The following ZMYM2 variants were observed in gnomAD, a reference collection of about 807,000 sequenced individuals.
ZMYM2 encodes zinc finger MYM-type containing 2, also known as zinc finger MYM-type protein 2.
Under a neutral mutation model 162.8 loss-of-function variants are expected in ZMYM2, and 56 were observed. The ratio of observed to expected loss-of-function variants is 0.34; its 90% CI spans 0.28 to 0.43. The LOEUF (loss-of-function observed/expected upper bound fraction) is 0.43, where lower values mean the gene tolerates loss of function less well. ZMYM2 is among the 20% of genes least tolerant of loss of function. The probability of loss-of-function intolerance (pLI) is 1.00; values close to 1 mark genes in which losing one functional copy is unlikely to be tolerated. For synonymous variants in ZMYM2, 510 were observed against 541.6 expected (o/e 0.94, Z 0.81); for missense variants, 1,275 against 1,621.8 (o/e 0.79, Z 3.67).
chr13:19,869,547 G>A, the ZMYM2 span, among the ~76,000 whole-genome samples: 1 of 152,090 alleles, frequency 6.6e-6, no homozygotes, highest in African/African-American at 2.4e-5. Context: ...TAGCACTTTG[G>A]GAGGCCGAGG....
the ZMYM2 span, among the ~76,000 whole-genome samples, chr13:19,927,043 A>G: frequency 6.6e-5 from 10 of 152,316 alleles, no homozygotes; most frequent in South Asian, 1.7e-3. Context: ...GATAACTTCT[A>G]TTCTCTAGAC....
At chr13:20,015,381 A>G (rs931822980) in intron 6 of ZMYM2, among the ~76,000 whole-genome samples, 1 of 152,190 alleles carries the variant, frequency 6.6e-6, no homozygotes, top group South Asian at 2.1e-4. Context: ...AACATAGTTC[A>G]TTCTGGAAAT....
At chr13:19,916,001 A>T in the ZMYM2 span, among the ~76,000 whole-genome samples, 3 of 151,858 alleles carry the variant, frequency 2.0e-5, no homozygotes, top group Admixed American at 1.3e-4. Context: ...CTGGGACTAC[A>T]GGGGCCCGCC....
chr13:19,993,990 G>A (rs1949826029), intron 3 of ZMYM2, 71 bp downstream of exon 3: 1 of 1,503,018 alleles, frequency 6.7e-7, no homozygotes, highest in Non-Finnish European at 8.9e-7. Context: ...TTTCATTGTA[G>A]TAACTGGTAT....
chr13:19,917,596 TAA>T, the ZMYM2 span, among the ~76,000 whole-genome samples: 14 of 133,182 alleles, frequency 1.1e-4, no homozygotes, highest in Admixed American at 7.9e-5. Flanking sequence ...ATCTCAAATT[TAA>T]AAAAAAAAAA....
At chr13:20,039,061 T>A (rs1390243172) in intron 12 of ZMYM2, among the ~76,000 whole-genome samples, 1 of 152,202 alleles carries the variant, frequency 6.6e-6, no homozygotes, top group East Asian at 1.9e-4. Context: ...ATTGTGTATC[T>A]AATTTGGCCC....
At chr13:20,062,720 T>C in intron 17 of ZMYM2, 126 bp from the exon 18 acceptor site, 1 of 986,994 alleles carries the variant, frequency 1.0e-6, no homozygotes, top group Middle Eastern at 3.1e-4. Flanking sequence ...CCCTTTTCTT[T>C]TGTGACATTA....
chr13:19,978,581 A>G (rs558087366), intron 2 of ZMYM2, among the ~76,000 whole-genome samples: 3 of 151,774 alleles, frequency 2.0e-5, no homozygotes, highest in East Asian at 3.9e-4. Flanking sequence ...CACGCCAGCT[A>G]ATTTTGTATT....
intron 9 of ZMYM2, among the ~76,000 whole-genome samples, chr13:20,028,216 G>C (rs562785781): frequency 6.6e-6 from 1 of 152,228 alleles, no homozygotes; most frequent in East Asian, 1.9e-4. Context: ...CTGAGCTTAG[G>C]TGATAAACCA....
chr13:19,912,292 G>GTTTTTTTTTTTTTTTTTTTTTTTTTT, the ZMYM2 span, among the ~76,000 whole-genome samples: 1 of 75,714 alleles, frequency 1.3e-5, no homozygotes, highest in Non-Finnish European at 2.5e-5. Flanking sequence ...TGTTTTTTGG[G>GTTTTTTTTTTTTTTTTTTTTTTTTTT]TTTTTTTTTT....
chr13:20,017,565 C>T (rs1317555861), intron 6 of ZMYM2, among the ~76,000 whole-genome samples: 1 of 150,956 alleles, frequency 6.6e-6, no homozygotes, highest in Non-Finnish European at 1.5e-5. Context: ...ACTTTTCTAA[C>T]TCTGTCCTCT....
the ZMYM2 span, among the ~76,000 whole-genome samples, chr13:19,915,209 C>T: frequency 4.6e-5 from 7 of 152,176 alleles, no homozygotes; most frequent in African/African-American, 1.7e-4. Flanking sequence ...GGTCCACCTG[C>T]CTCAGCCTCC....
intron 21 of ZMYM2, among the ~76,000 whole-genome samples, chr13:20,072,954 G>A (rs1231292489): frequency 2.0e-5 from 3 of 151,750 alleles, no homozygotes; most frequent in Non-Finnish European, 2.9e-5. Context: ...TGTCGCACAG[G>A]CTGGTGTGCA....
chr13:19,955,419 A>G (rs9579744), upstream of ZMYM2, among the ~76,000 whole-genome samples: 1 of 152,094 alleles, frequency 6.6e-6, no homozygotes, highest in Admixed American at 6.5e-5. Context: ...TCAGAGGCTT[A>G]GAGAAGCTTA....
Position 20,030,247 on chromosome 13 carries a change from T to TC in ZMYM2, c.1852-1070dup, listed in dbSNP as rs201166345. ...TTCTTTTCCTCTTTTTTTTTTTTTT[T>TC]CCAGATGGAGTCTCGCTCTGTCACC... is the stretch of plus-strand genomic sequence containing the variant. On this transcript the variant is annotated intron_variant, in intron 9 of 24. Transcript: ENST00000610343. Among the ~76,000 whole-genome samples, 170 of 151,502 alleles carry TC rather than the reference T, an allele frequency of 1.1e-3. 1 individual carries two copies. Among genetic ancestry groups the TC allele is most frequent in the African/African-American group, 1.5e-3 (61 of 41,370 alleles).
chr13:19,895,355 AT>A, the ZMYM2 span, among the ~76,000 whole-genome samples: 1 of 151,938 alleles, frequency 6.6e-6, no homozygotes, highest in Admixed American at 6.6e-5. Context: ...TTATAACAGA[AT>A]ATCTTAAACT....
intron 21 of ZMYM2, among the ~76,000 whole-genome samples, chr13:20,079,346 ATACT>A (rs1957755969): frequency 8.2e-6 from 1 of 121,520 alleles, no homozygotes; most frequent in African/African-American, 2.9e-5. Context: ...AAAAAAAAGG[ATACT>A]TAATGAATTC....
chr13:20,039,998 G>C (rs1342619044), intron 12 of ZMYM2, among the ~76,000 whole-genome samples: 1 of 152,130 alleles, frequency 6.6e-6, no homozygotes, highest in Admixed American at 6.5e-5. Flanking sequence ...GCAGTATTTT[G>C]TTGAGGATTT....
intron 2 of ZMYM2, chr13:19,965,106 T>A: frequency 2.1e-5 from 9 of 423,918 alleles, no homozygotes; most frequent in East Asian, 1.1e-4. Flanking sequence ...AAAAGAAAAA[T>A]ACTTACATAG....
Sources: allele counts gnomAD v4.1 joint callset (sites outside exome capture counted in the v4.1 genomes callset), GRCh38; gene constraint gnomAD v4.1.1; transcripts MANE v1.5; gene names NCBI Gene and HGNC (gene_info 2026-07-23, HGNC 2026-07-21).